Variants in CSE1L observed in about 807,000 individuals in gnomAD.
CSE1L encodes the protein exportin-2.
Under a neutral mutation model 120.4 loss-of-function variants are expected in CSE1L, and 24 were observed. That is an observed-to-expected ratio of 0.20 (90% confidence interval 0.14 to 0.28). The LOEUF (loss-of-function observed/expected upper bound fraction) is 0.28, where lower values mean the gene tolerates loss of function less well. Among genes scored for constraint, CSE1L ranks in the 10% least tolerant of loss-of-function variants. The probability of loss-of-function intolerance (pLI) is 1.00; values close to 1 mark genes in which losing one functional copy is unlikely to be tolerated. For synonymous variants in CSE1L, 402 were observed against 398.3 expected (o/e 1.01, Z -0.11); for missense variants, 830 against 1,145.2 (o/e 0.72, Z 3.97).
chr20:49,093,570 T>C (rs1026158126), intron 22 of CSE1L, among the ~76,000 whole-genome samples: 1 of 110,164 alleles, frequency 9.1e-6, no homozygotes, highest in Non-Finnish European at 1.8e-5. Flanking sequence ...CTCTCTTTTT[T>C]TTTTTTTTTT....
At chr20:49,081,375 C>G (rs912083688) in intron 14 of CSE1L, among the ~76,000 whole-genome samples, 6 of 152,220 alleles carry the variant, frequency 3.9e-5, no homozygotes, top group Non-Finnish European at 7.3e-5. Flanking sequence ...CCTTGAACTC[C>G]TGGGCTCAAG....
chr20:49,072,279 A>T lies in CSE1L; in HGVS notation c.769-7A>T, dbSNP rs761368985. On this transcript the variant is annotated splice_region_variant and splice_polypyrimidine_tract_variant and intron_variant, in intron 8 of 24. Coordinates refer to ENST00000262982, the MANE Select transcript of CSE1L (RefSeq NM_001316.4). ...TATGTTGGAGTTTTTGTTTTCTTTT[A>T]TGTGAGGATGAAGAGGAAGCCGGCT... 6.2e-7 allele frequency: 1 copy of T among 1,612,812 alleles called. No homozygotes were observed. Among genetic ancestry groups the T allele is most frequent in the Non-Finnish European group, 8.5e-7 (1 of 1,179,494 alleles).
rs2092106007 is a variant in CSE1L, at chr20:49,092,068, G to C, written c.2388G>C (p.Leu796Phe). 6.4e-7 allele frequency: 1 copy of C among 1,573,432 alleles called. No individual in the cohort carries two copies. The highest frequency in any genetic ancestry group is 8.7e-7 in the Non-Finnish European group (1 of 1,148,318). ...FIKSFLVFIN[L>F]YCIKYGALAL... ...CAGGTTTTTTAGTCTTTATTAATTT[G>C]TATTGCATAAAATATGGGGCACTAG... The change falls in exon 22 of 25, where the codon TTG becomes TTC. Residue 796 changes from leucine to phenylalanine, a missense_variant. By Grantham distance (22) the Leu-to-Phe change is conservative. Transcript: ENST00000262982.
chr20:49,086,990 C>G (rs116141673), intron 16 of CSE1L, among the ~76,000 whole-genome samples: 1,831 of 152,288 alleles, frequency 0.012, 30 homozygotes, highest in African/African-American at 0.041. Context: ...GTGCAGAGTT[C>G]AGGAGGCAAG....
chr20:49,057,286 T>C (rs1161040686), intron 1 of CSE1L, among the ~76,000 whole-genome samples: 1 of 152,202 alleles, frequency 6.6e-6, no homozygotes, highest in African/African-American at 2.4e-5. Context: ...TAATCTTAGC[T>C]GTCATCTTCT....
Position 49,089,401 on chromosome 20 carries a change from A to G in CSE1L, c.1972+4A>G, listed in dbSNP as rs763937479. The G allele has an allele frequency of 6.2e-6, 10 of 1,606,498 alleles. No individual in the cohort carries two copies. The highest frequency in any genetic ancestry group is 3.3e-4 in the Middle Eastern group (2 of 6,020). On this transcript the variant is annotated splice_donor_region_variant and intron_variant, in intron 18 of 24. Transcript: ENST00000262982. ...ATCTTACAAAATGATGTGCAAGGTA[A>G]GTTAACGGAAATTATTTTCTTTGTA...
Position 49,047,564 on chromosome 20 carries a change from CTTTTTTTTTTTT to C in CSE1L, c.-12+1158_-12+1169del, listed in dbSNP as rs59986218. ...TCTTTTTCTTTTTCTTTTCTCTTTT[CTTTTTTTTTTTT>C]TTTTTTTTTTTTTTTTGAGAGAGAG... On this transcript the variant is annotated intron_variant, in intron 1 of 24. Coordinates refer to ENST00000262982, the MANE Select transcript of CSE1L (RefSeq NM_001316.4). 4.1e-4 allele frequency among the ~76,000 whole-genome samples: 29 copies of C among 69,914 alleles called. 1 individual carries two copies. The highest frequency in any genetic ancestry group is 5.7e-4 in the Non-Finnish European group (22 of 38,542). 45.9% of individuals were successfully genotyped at this position (69,914 alleles called of 152,430 possible).
Position 49,067,418 on chromosome 20 carries a change from T to A in CSE1L, c.567+138T>A, listed in dbSNP as rs2091901314. ...CATTTCTTTTGAAAAATTTCAAACC[T>A]ACACAGAAATAGAGATGCTATAGTG... On this transcript the variant is annotated intron_variant, in intron 6 of 24. Transcript: ENST00000262982. The A allele has an allele frequency of 1.1e-5, 6 of 545,058 alleles. No homozygotes were observed. The South Asian group carries it at 2.0e-4, about 18-fold the overall frequency. The allele number at this position is 545,058 out of a possible 1,614,324, so 33.8% of individuals were successfully genotyped here. A position where few individuals can be genotyped will look rare whatever the true frequency, so the allele number is the denominator to read the frequency against.
rs150458016 is a variant in CSE1L, at chr20:49,049,935, G to T, written c.-12+3512G>T. 3.3e-5 allele frequency among the ~76,000 whole-genome samples: 5 copies of T among 152,286 alleles called. No individual in the cohort carries two copies. In the East Asian group the frequency reaches 9.6e-4, roughly 29 times the overall value. On this transcript the variant is annotated intron_variant, in intron 1 of 24. Coordinates refer to ENST00000262982, the MANE Select transcript of CSE1L (RefSeq NM_001316.4). ...CCAGCTACTTGGGAGGTTGAAGTAG[G>T]AGGATGGCTTGAGCCCAGGAGGCAG...
At position 49,075,303 on chromosome 20, in the gene CSE1L, C is replaced by T. The variant is rs375472377; in HGVS notation, c.1133-15C>T. 1 of 1,592,276 alleles carries T rather than the reference C, an allele frequency of 6.3e-7. No individual in the cohort carries two copies. Among genetic ancestry groups the T allele is most frequent in the Non-Finnish European group, 8.6e-7 (1 of 1,165,456 alleles). On this transcript the variant is annotated splice_polypyrimidine_tract_variant and intron_variant, in intron 11 of 24. Coordinates refer to ENST00000262982, the MANE Select transcript of CSE1L (RefSeq NM_001316.4). The stretch of plus-strand genomic sequence containing the variant: ...GTTTTTTTTCCCCATAATATATTTT[C>T]TTTTCATTTCATAGATATTGATACT...
At chr20:49,067,142 T>G (rs1412554105) in intron 5 of CSE1L, 48 bp from the exon 6 acceptor site, 1 of 1,241,838 alleles carries the variant, frequency 8.1e-7, no homozygotes. Context: ...CTAAAGTGAG[T>G]AAATAAAAAA....
Position 49,090,839 on chromosome 20 carries a change from C to T in CSE1L, c.2279C>T (p.Pro760Leu), listed in dbSNP as rs2092095508. 2.5e-6 allele frequency: 4 copies of T among 1,612,374 alleles called. No individual in the cohort carries two copies. The highest frequency in any genetic ancestry group is 3.3e-4 in the Middle Eastern group (2 of 6,060). Reference sequence around the variant, plus strand: ...AACAGTATAATAGAGCACATGCCTCCGTGAGTATGACTAGAACTTTGTGCA... The same window carrying T: ...AACAGTATAATAGAGCACATGCCTCTGTGAGTATGACTAGAACTTTGTGCA... The part of the protein sequence containing the change: ...LLNSIIEHMP[P>L]ESVDQYRKQI... Residue 760 changes from proline to leucine, a missense_variant and splice_region_variant, in exon 20 of 25, where the codon CCT (proline) becomes CTT (leucine). Pro to Leu is a moderately conservative substitution (Grantham distance 98, BLOSUM62 -3). This residue lies in a region of CSE1L where 168 missense variants were observed against 267.9 expected (regional missense o/e 0.63). Transcript: ENST00000262982.
At chr20:49,063,376 C>G in intron 3 of CSE1L, 32 bp downstream of exon 3, 1 of 1,348,836 alleles carries the variant, frequency 7.4e-7, no homozygotes, top group Non-Finnish European at 1.0e-6. Context: ...AATTTAATAC[C>G]CTGTATGTTT....
rs547614799 is a variant in CSE1L at position 49,074,305 on chromosome 20, C to T, written c.1067-480C>T. Among the ~76,000 whole-genome samples, 13 of 150,564 alleles carry T rather than the reference C, an allele frequency of 8.6e-5. No homozygotes were observed. The East Asian group carries it at 1.4e-3, about 16-fold the overall frequency. On this transcript the variant is annotated intron_variant, in intron 10 of 24. Coordinates refer to ENST00000262982, the MANE Select transcript of CSE1L (RefSeq NM_001316.4). ...CAGGCTGGTCTCAAACTCCTGGGCT[C>T]AAGCGATCCTCCCATTTCAGCCTCC...
At chr20:49,078,660 C>CT in intron 14 of CSE1L, 38 bp downstream of exon 14, 1 of 1,384,680 alleles carries the variant, frequency 7.2e-7, no homozygotes, top group South Asian at 1.3e-5. Context: ...CACTTAATCT[C>CT]TTTAAGAGTT....
At chr20:49,077,145 C>CTTT in intron 13 of CSE1L, 81 bp downstream of exon 13, 4 of 636,726 alleles carry the variant, frequency 6.3e-6, no homozygotes, top group Non-Finnish European at 7.2e-6. Flanking sequence ...TCCTTGTTCC[C>CTTT]TTTTGTTCTT....
chr20:49,067,170 GT>G lies in CSE1L; in HGVS notation c.477-16del. ...ATAAAAAAAACTTGTAAATTTATCT[GT>G]TTTACCTTAATTTTCTAGATACCGT... On this transcript the variant is annotated intron_variant, in intron 5 of 24. Coordinates refer to ENST00000262982, the MANE Select transcript of CSE1L (RefSeq NM_001316.4). The G allele has an allele frequency of 6.6e-7, 1 of 1,517,930 alleles. No homozygotes were observed. Among genetic ancestry groups the G allele is most frequent in the Non-Finnish European group, 9.1e-7 (1 of 1,101,920 alleles). The allele number at this position is 1,517,930 out of a possible 1,614,324, so 94.0% of individuals were successfully genotyped here.
Position 49,096,346 on chromosome 20 carries a change from T to C in CSE1L, c.2827-3T>C. On this transcript the variant is annotated splice_region_variant and splice_polypyrimidine_tract_variant and intron_variant, in intron 24 of 24. Coordinates refer to ENST00000262982, the MANE Select transcript of CSE1L (RefSeq NM_001316.4). The stretch of plus-strand genomic sequence containing the variant: ...GCCAGTGTGTGTTTCCCATCTCTTG[T>C]AGGTTCCATCAATGGTGAGCACCAG... 1 of 1,612,536 alleles carries C rather than the reference T, an allele frequency of 6.2e-7. No individual in the cohort carries two copies. The highest frequency in any genetic ancestry group is 8.5e-7 in the Non-Finnish European group (1 of 1,178,640).
intron 3 of CSE1L, among the ~76,000 whole-genome samples, chr20:49,064,066 T>C (rs142079016): frequency 6.6e-6 from 1 of 152,282 alleles, no homozygotes; most frequent in Non-Finnish European, 1.5e-5. Context: ...TTTGGAGACA[T>C]CATAGCTGGA....
Sources: gnomAD v4.1 joint callset for allele counts (sites outside exome capture counted in the v4.1 genomes callset) on GRCh38, gnomAD v4.1.1 for gene constraint, gnomAD v4.1.1 regional missense constraint, MANE v1.5 for transcripts, NCBI Gene and HGNC (gene_info 2026-07-23, HGNC 2026-07-21) for gene names.